MTR: variants seen among roughly 807,000 people sequenced by gnomAD.
The protein encoded by MTR is methionine synthase.
A neutral mutation model predicts 154.8 loss-of-function variants in MTR; 84 were observed. The ratio of observed to expected loss-of-function variants is 0.54; its 90% CI spans 0.45 to 0.65. The LOEUF is 0.65. Among genes scored for constraint, MTR ranks in the 30% least tolerant of loss-of-function variants. The pLI, the probability that MTR is intolerant of heterozygous loss-of-function variation, is 0.00. For missense variants in MTR, 1,275 were observed against 1,570.2 expected, an observed-to-expected ratio of 0.81 and a Z score of 3.18; for synonymous variants, 554 against 553.9, an observed-to-expected ratio of 1.00 and a Z score of 0.00.
intron 15 of MTR, among the ~76,000 whole-genome samples, chr1:236,843,751 G>A (rs1444765487): frequency 2.6e-5 from 4 of 152,220 alleles, no homozygotes; most frequent in African/African-American, 9.6e-5. Context: ...GTGAAAGAAA[G>A]AGGAGTCAGG....
intron 8 of MTR, chr1:236,820,162 A>G (rs1661844122): frequency 5.2e-6 from 4 of 763,912 alleles, no homozygotes; most frequent in African/African-American, 5.1e-5. Context: ...GATGTGGTGG[A>G]TGCTGGCCTG....
chr1:236,863,643 T>C, intron 22 of MTR, 89 bp downstream of exon 22: 3 of 1,164,916 alleles, frequency 2.6e-6, no homozygotes, highest in Non-Finnish European at 1.3e-6. Context: ...GTGGGAAGAG[T>C]AGGGCATGGC....
chr1:236,900,132 A>G lies in MTR; in HGVS notation c.*2488A>G. On this transcript the variant is annotated 3_prime_UTR_variant, in exon 33 of 33. Transcript: ENST00000366577. ...TAAGAATGTTCATAGTTACATATTT[A>G]TAATAGTTAATAACTGGAAAAAGTG... is the stretch of plus-strand genomic sequence containing the variant. 1 of 397,214 alleles carries G rather than the reference A, an allele frequency of 2.5e-6. No homozygotes were observed. The highest frequency in any genetic ancestry group is 1.9e-5 in the South Asian group (1 of 53,156). The allele number at this position is 397,214 out of a possible 1,614,324, so 24.6% of individuals were successfully genotyped here.
intron 1 of MTR, among the ~76,000 whole-genome samples, chr1:236,796,561 A>T (rs948038029): frequency 2.6e-5 from 4 of 152,178 alleles, no homozygotes; most frequent in Non-Finnish European, 5.9e-5. Flanking sequence ...GGGAATACTA[A>T]ATTCGTAACG....
At chr1:236,837,452 T>C (rs1417891585) in intron 14 of MTR, among the ~76,000 whole-genome samples, 3 of 152,234 alleles carry the variant, frequency 2.0e-5, no homozygotes, top group South Asian at 2.1e-4. Flanking sequence ...GCTTCTCTTA[T>C]GCTTTTAGCA....
intron 1 of MTR, among the ~76,000 whole-genome samples, chr1:236,797,015 A>AT (rs1475479761): frequency 6.7e-6 from 1 of 149,304 alleles, no homozygotes; most frequent in South Asian, 2.1e-4. Context: ...ATAGTGAGTG[A>AT]TTTAAAAAAA....
rs770223976 is a variant in MTR at position 236,886,276 on chromosome 1, C to T, written c.2776-16C>T. 8.1e-6 allele frequency: 13 copies of T among 1,611,776 alleles called. No homozygotes were observed. Among genetic ancestry groups the T allele is most frequent in the Non-Finnish European group, 1.1e-5 (13 of 1,178,638 alleles). On this transcript the variant is annotated splice_polypyrimidine_tract_variant and intron_variant, in intron 26 of 32. Transcript: ENST00000366577. ...AGCTAAGAGTGTCTAACTAATTTTT[C>T]TTTGTTTTTTAACAGGAGAGGAGAT...
At chr1:236,855,516 C>T (rs1052279299) in intron 18 of MTR, among the ~76,000 whole-genome samples, 8 of 152,070 alleles carry the variant, frequency 5.3e-5, no homozygotes, top group East Asian at 1.9e-4. Context: ...TGGAATGACC[C>T]GGGAGCTTGA....
chr1:236,826,400 G>T (rs1390832507), intron 10 of MTR, among the ~76,000 whole-genome samples: 3 of 152,036 alleles, frequency 2.0e-5, no homozygotes, highest in Admixed American at 6.6e-5. Context: ...GGGCTCAAGC[G>T]ATCCTCCCAC....
chr1:236,817,024 T>A (rs1661634259), intron 8 of MTR, among the ~76,000 whole-genome samples: 1 of 152,206 alleles, frequency 6.6e-6, no homozygotes, highest in African/African-American at 2.4e-5. Context: ...TGTAGTATAC[T>A]ATGATAGCTC....
At chr1:236,857,906 G>A (rs1295801351) in intron 18 of MTR, among the ~76,000 whole-genome samples, 3 of 152,236 alleles carry the variant, frequency 2.0e-5, no homozygotes, top group Admixed American at 2.0e-4. Flanking sequence ...TGGGGGTAGA[G>A]TGCAGTGCTG....
intron 22 of MTR, among the ~76,000 whole-genome samples, chr1:236,870,867 C>T (rs1665086230): frequency 6.6e-6 from 1 of 152,202 alleles, no homozygotes; most frequent in African/African-American, 2.4e-5. Context: ...CAAACCGAAA[C>T]TCTTGCGTCA....
Position 236,859,893 on chromosome 1 carries a change from G to T in MTR, c.2014G>T (p.Glu672Ter), listed in dbSNP as rs142774813. 6.2e-7 allele frequency: 1 copy of T among 1,613,858 alleles called. No homozygotes were observed. Residue 672 changes from glutamate (E) to a stop codon, truncating the protein, a stop_gained, in exon 19 of 33, where the codon GAA (glutamate) becomes TAA (stop). Transcript: ENST00000366577. LOFTEE classifies it high-confidence loss of function. The stretch of plus-strand genomic sequence containing the variant: ...TGATGAGTGGAGAAATGGCCCTGTC[G>T]AAGAACGCCTTGAGTATGCCCTTGT... ...QTDEWRNGPV[E>*]ERLEYALVKG... is the part of the protein sequence containing the mutation.
intron 20 of MTR, among the ~76,000 whole-genome samples, chr1:236,861,686 C>T (rs1664553841): frequency 6.6e-6 from 1 of 152,146 alleles, no homozygotes; most frequent in Non-Finnish European, 1.5e-5. Flanking sequence ...AATGACGGTA[C>T]ATTAAGTGGT....
intron 24 of MTR, among the ~76,000 whole-genome samples, chr1:236,876,712 G>A (rs202066180): frequency 4.0e-5 from 6 of 150,978 alleles, no homozygotes; most frequent in African/African-American, 4.9e-5. Context: ...CCAGATTAAA[G>A]AAAAAAAAAC....
intron 9 of MTR, among the ~76,000 whole-genome samples, 156 bp from the exon 10 acceptor site, chr1:236,825,182 T>G (rs1157083727): frequency 1.4e-5 from 2 of 138,138 alleles, no homozygotes; most frequent in Non-Finnish European, 3.0e-5. Context: ...GTGTGGTATC[T>G]CTTTGTTTAC....
intron 13 of MTR, among the ~76,000 whole-genome samples, chr1:236,834,890 G>A (rs944361125): frequency 1.3e-5 from 2 of 152,158 alleles, no homozygotes; most frequent in Non-Finnish European, 2.9e-5. Context: ...GAAGGTTGCA[G>A]TGTGTAATAG....
chr1:236,860,850 T>C (rs887768347), intron 19 of MTR, among the ~76,000 whole-genome samples: 1 of 152,210 alleles, frequency 6.6e-6, no homozygotes, highest in African/African-American at 2.4e-5. Context: ...ATGAGGTATT[T>C]ACTTTGTTTG....
At chr1:236,844,453 C>CGTGTGTGTGTGT (rs58179715) in intron 15 of MTR, among the ~76,000 whole-genome samples, 2 of 145,464 alleles carry the variant, frequency 1.4e-5, no homozygotes, top group African/African-American at 5.1e-5. Flanking sequence ...TCAGAAAGGG[C>CGTGTGTGTGTGT]GTGTGTGTGT....
Sources: allele counts gnomAD v4.1 joint callset (sites outside exome capture counted in the v4.1 genomes callset), GRCh38; gene constraint gnomAD v4.1.1; transcripts MANE v1.5; gene names NCBI Gene and HGNC (gene_info 2026-07-23, HGNC 2026-07-21).